Variants in FBXW8 observed in about 807,000 individuals in gnomAD.
The protein encoded by FBXW8 is F-box and WD repeat domain containing 8.
FBXW8 carries 57 observed loss-of-function variants against 65.3 expected under a neutral mutation model. The ratio of observed to expected loss-of-function variants is 0.87; its 90% CI spans 0.71 to 1.09. The LOEUF is 1.09. Ranked by LOEUF, FBXW8 falls within the 50% of genes least tolerant of loss-of-function variation. The pLI, the probability that FBXW8 is intolerant of heterozygous loss-of-function variation, is 0.00. For missense variants in FBXW8, 777 were observed against 814.8 expected (o/e 0.95, Z 0.57); for synonymous variants, 308 against 330.2 (o/e 0.93, Z 0.73).
chr12:116,934,181 CTTT>C (rs1033823538), intron 2 of FBXW8, among the ~76,000 whole-genome samples: 1 of 151,968 alleles, frequency 6.6e-6, no homozygotes, highest in African/African-American at 2.4e-5. Flanking sequence ...ATCCCCTCCT[CTTT>C]TTTTTGCTTT....
At position 117,029,442 on chromosome 12, in the gene FBXW8, A is replaced by G. The variant is rs1436126366; in HGVS notation, c.*1270A>G. On this transcript the variant is annotated 3_prime_UTR_variant, in exon 11 of 11. Coordinates refer to ENST00000652555, the MANE Select transcript of FBXW8 (RefSeq NM_153348.3). ...GACTGGGCTGACAGTAAAAGCACAG[A>G]ATACAAAACCCAGGGGATGGGGCTG... 1 of 152,102 alleles carries G rather than the reference A, an allele frequency of 6.6e-6. No individual in the cohort carries two copies. The allele number at this position is 152,102 out of a possible 1,614,324, so 9.4% of individuals were successfully genotyped here. A position where few individuals can be genotyped will look rare whatever the true frequency, so the allele number is the denominator to read the frequency against.
chr12:117,030,084 T>C lies in FBXW8; in HGVS notation c.*1912T>C, dbSNP rs1174941152. On this transcript the variant is annotated 3_prime_UTR_variant, in exon 11 of 11. Transcript: ENST00000652555. ...AACCGAGTCCTCTCAGTTGCACACG[T>C]GTACGTATCAGTGGGAAGTGCTTGC... 2 of 152,192 alleles carry C rather than the reference T, an allele frequency of 1.3e-5. No individual in the cohort carries two copies. Among genetic ancestry groups the C allele is most frequent in the Admixed American group, 6.5e-5 (1 of 15,278 alleles). The allele number at this position is 152,192 out of a possible 1,614,324, so 9.4% of individuals were successfully genotyped here. A position where few individuals can be genotyped will look rare whatever the true frequency, so the allele number is the denominator to read the frequency against.
At chr12:116,955,643 G>A (rs987705936) in intron 4 of FBXW8, among the ~76,000 whole-genome samples, 7 of 152,208 alleles carry the variant, frequency 4.6e-5, no homozygotes, top group African/African-American at 1.7e-4. Context: ...ATTTTAGAAT[G>A]TTTTGAAAAT....
At chr12:116,911,713 G>A (rs1879959879) in intron 1 of FBXW8, among the ~76,000 whole-genome samples, 1 of 150,566 alleles carries the variant, frequency 6.6e-6, no homozygotes, top group Non-Finnish European at 1.5e-5. Context: ...CAAAATATCA[G>A]TAAGTGTGGG....
At chr12:116,974,613 A>G (rs774809146) in intron 5 of FBXW8, among the ~76,000 whole-genome samples, 8 of 152,200 alleles carry the variant, frequency 5.3e-5, no homozygotes, top group Non-Finnish European at 1.0e-4. Flanking sequence ...AAAATTCACA[A>G]TGTCTGTCAT....
rs573203259 is a variant in FBXW8 at position 116,994,873 on chromosome 12, A to G, written c.1239+6004A>G. Among the ~76,000 whole-genome samples, 8 of 152,358 alleles carry G rather than the reference A, an allele frequency of 5.3e-5. No individual in the cohort carries two copies. The East Asian group carries it at 1.5e-3, about 29-fold the overall frequency. On this transcript the variant is annotated intron_variant, in intron 7 of 10. Transcript: ENST00000652555. ...ATGTATTTGTAGGATCATTTCCTCC[A>G]AGTAGACTTGCTGGGTCAAAGGGAC...
At chr12:116,975,435 G>A (rs1482494485) in intron 5 of FBXW8, among the ~76,000 whole-genome samples, 2 of 152,162 alleles carry the variant, frequency 1.3e-5, no homozygotes, top group Admixed American at 6.5e-5. Context: ...AGGCACTGTC[G>A]TCATGACCTG....
intron 4 of FBXW8, among the ~76,000 whole-genome samples, chr12:116,954,929 C>T (rs535910391): frequency 6.6e-6 from 1 of 152,070 alleles, no homozygotes; most frequent in East Asian, 1.9e-4. Context: ...GCTGCACTCT[C>T]AGAGGTCACC....
At chr12:117,011,659 T>G (rs900522049) in intron 8 of FBXW8, among the ~76,000 whole-genome samples, 3 of 152,186 alleles carry the variant, frequency 2.0e-5, no homozygotes, top group Non-Finnish European at 2.9e-5. Context: ...GGCTCCAAGC[T>G]CCTCTCCTAG....
chr12:116,969,277 T>C (rs1484909972), intron 5 of FBXW8, among the ~76,000 whole-genome samples: 10 of 152,194 alleles, frequency 6.6e-5, no homozygotes, highest in African/African-American at 2.2e-4. Flanking sequence ...TTAGAGCCCT[T>C]GTGTTTCCCT....
At chr12:116,924,254 C>T (rs953120905) in intron 1 of FBXW8, among the ~76,000 whole-genome samples, 4 of 151,714 alleles carry the variant, frequency 2.6e-5, no homozygotes, top group East Asian at 3.9e-4. Context: ...CTATGTGCTT[C>T]GCAGTAGTCT....
intron 2 of FBXW8, among the ~76,000 whole-genome samples, chr12:116,940,408 C>T (rs12296579): frequency 0.013 from 1,953 of 149,344 alleles, 38 homozygotes; most frequent in African/African-American, 0.046. Flanking sequence ...GTGGGGCAGA[C>T]GTTGAGGTGG....
intron 4 of FBXW8, among the ~76,000 whole-genome samples, chr12:116,964,139 G>A (rs1413723701): frequency 6.6e-6 from 1 of 152,218 alleles, no homozygotes; most frequent in Non-Finnish European, 1.5e-5. Flanking sequence ...CTTTTCATGA[G>A]CAGGCAGCAC....
At chr12:116,916,324 AC>A (rs1325277464) in intron 1 of FBXW8, among the ~76,000 whole-genome samples, 1 of 152,180 alleles carries the variant, frequency 6.6e-6, no homozygotes, top group African/African-American at 2.4e-5. Flanking sequence ...TTTGATAGTA[AC>A]TTGTGTATGT....
intron 1 of FBXW8, among the ~76,000 whole-genome samples, chr12:116,914,609 C>T (rs562978420): frequency 1.4e-5 from 2 of 143,010 alleles, no homozygotes; most frequent in East Asian, 4.1e-4. Flanking sequence ...GGCCTGGTGG[C>T]TCATACCTGT....
chr12:117,016,281 G>T (rs1467743465), intron 8 of FBXW8, among the ~76,000 whole-genome samples: 1 of 152,162 alleles, frequency 6.6e-6, no homozygotes, highest in Non-Finnish European at 1.5e-5. Flanking sequence ...ATTCCCACCA[G>T]CACTGGATGA....
intron 9 of FBXW8, among the ~76,000 whole-genome samples, chr12:117,025,538 A>G (rs1954204559): frequency 6.6e-6 from 1 of 152,216 alleles, no homozygotes; most frequent in African/African-American, 2.4e-5. Flanking sequence ...AGGTGTCTCC[A>G]AGAGGCGGCA....
chr12:116,931,097 T>A (rs1348663284), intron 2 of FBXW8, among the ~76,000 whole-genome samples: 1 of 152,262 alleles, frequency 6.6e-6, no homozygotes, highest in Non-Finnish European at 1.5e-5. Context: ...TTCATTCTTC[T>A]GTATGTGGAT....
intron 7 of FBXW8, among the ~76,000 whole-genome samples, chr12:117,005,937 G>A (rs1379761996): frequency 6.6e-6 from 1 of 152,208 alleles, no homozygotes; most frequent in Non-Finnish European, 1.5e-5. Flanking sequence ...ACTCCACTCA[G>A]CCCAGCACAG....
Sources: allele counts gnomAD v4.1 joint callset (sites outside exome capture counted in the v4.1 genomes callset), GRCh38; gene constraint gnomAD v4.1.1; transcripts MANE v1.5; gene names NCBI Gene and HGNC (gene_info 2026-07-23, HGNC 2026-07-21).